Variants in SLC25A12 observed in about 807,000 individuals in gnomAD.
SLC25A12 encodes electrogenic aspartate/glutamate antiporter SLC25A12, mitochondrial.
In SLC25A12, 32 loss-of-function variants were observed where a neutral mutation model predicts 83.3. The observed-to-expected ratio is 0.38, with a 90% confidence interval of 0.29 to 0.52. The LOEUF (loss-of-function observed/expected upper bound fraction) is 0.52, where lower values mean the gene tolerates loss of function less well. SLC25A12 is among the 20% of genes least tolerant of loss of function. The pLI is 0.84. For synonymous variants in SLC25A12, 267 were observed against 291.1 expected (o/e 0.92, Z 0.84); for missense variants, 611 against 835.6 (o/e 0.73, Z 3.31).
chr2:171,787,618 G>C lies in SLC25A12; in HGVS notation c.1788C>G (p.Val596=). Residue 596 remains valine, a synonymous_variant, in exon 17 of 18, where the codon GTC becomes GTG. Transcript: ENST00000422440. ...ACCACCGCTGGAGAAGTTCATAAGT[G>C]ACCAAGGTAACACCAAACTGGGGAG... ...RSSPQFGVTL[V]TYELLQRWFY... 6.2e-7 allele frequency: 1 copy of C among 1,614,134 alleles called. No individual in the cohort carries two copies.
chr2:171,788,099 A>G (rs1690523640), intron 15 of SLC25A12, 152 bp from the exon 16 acceptor site: 1 of 710,332 alleles, frequency 1.4e-6, no homozygotes, highest in Non-Finnish European at 2.4e-6. Context: ...GGAAAAGGGC[A>G]TAGAAGCCTA....
chr2:171,875,925 A>AAG (rs1239270691), intron 2 of SLC25A12, among the ~76,000 whole-genome samples: 3 of 149,284 alleles, frequency 2.0e-5, no homozygotes, highest in Non-Finnish European at 4.4e-5. Context: ...AAAAAAAAAA[A>AAG]AAAAAGAAAC....
intron 15 of SLC25A12, among the ~76,000 whole-genome samples, chr2:171,790,280 G>A (rs1034959402): frequency 6.6e-6 from 1 of 152,216 alleles, no homozygotes; most frequent in Non-Finnish European, 1.5e-5. Context: ...AGCCTGGCTG[G>A]TCAGAGCCAC....
At chr2:171,810,147 G>T in intron 12 of SLC25A12, 77 bp downstream of exon 12, 3 of 1,260,600 alleles carry the variant, frequency 2.4e-6, no homozygotes, top group Non-Finnish European at 3.5e-6. Flanking sequence ...GAGCTACCAC[G>T]CCTAGCCTTG....
chr2:171,789,207 G>A (rs1445827760), intron 15 of SLC25A12, among the ~76,000 whole-genome samples: 1 of 152,138 alleles, frequency 6.6e-6, no homozygotes, highest in Non-Finnish European at 1.5e-5. Context: ...GAGGTCAGGA[G>A]TTTGAGACCT....
At chr2:171,837,019 T>C (rs1684574781) in intron 6 of SLC25A12, 102 bp downstream of exon 6, 4 of 1,098,818 alleles carry the variant, frequency 3.6e-6, no homozygotes, top group Non-Finnish European at 5.4e-6. Flanking sequence ...AGCATGAAAT[T>C]TGAATAGTTG....
chr2:171,847,241 TATC>T (rs1259983925), intron 4 of SLC25A12, among the ~76,000 whole-genome samples: 2 of 152,190 alleles, frequency 1.3e-5, no homozygotes, highest in African/African-American at 4.8e-5. Flanking sequence ...TCTCTTCTGT[TATC>T]ATTGTTTCTA....
At chr2:171,849,565 T>A (rs1684875458) in intron 4 of SLC25A12, among the ~76,000 whole-genome samples, 1 of 149,362 alleles carries the variant, frequency 6.7e-6, no homozygotes, top group Non-Finnish European at 1.5e-5. Flanking sequence ...GATCTTTTTT[T>A]TTTTTTTTTT....
At chr2:171,890,714 C>T (rs1469553939) in intron 2 of SLC25A12, among the ~76,000 whole-genome samples, 1 of 152,120 alleles carries the variant, frequency 6.6e-6, no homozygotes, top group Non-Finnish European at 1.5e-5. Context: ...AACTCCTGGG[C>T]TCAAGTGATC....
chr2:171,837,406 A>G, intron 5 of SLC25A12, 139 bp from the exon 6 acceptor site: 1 of 894,646 alleles, frequency 1.1e-6, no homozygotes. Flanking sequence ...TGAATTTGCA[A>G]CAAAACTTTT....
intron 6 of SLC25A12, among the ~76,000 whole-genome samples, chr2:171,835,316 C>A (rs1027577883): frequency 1.3e-5 from 2 of 152,148 alleles, no homozygotes; most frequent in Admixed American, 1.3e-4. Context: ...AATTTTAAGA[C>A]AATTTTATTA....
intron 2 of SLC25A12, among the ~76,000 whole-genome samples, chr2:171,871,143 AG>A (rs1233819234): frequency 6.6e-6 from 1 of 152,282 alleles, no homozygotes; most frequent in East Asian, 1.9e-4. Context: ...TCGAGACTAC[AG>A]TGAGCCATGA....
chr2:171,825,926 T>C (rs879314977), intron 9 of SLC25A12, among the ~76,000 whole-genome samples: 8 of 152,250 alleles, frequency 5.3e-5, no homozygotes, highest in African/African-American at 7.2e-5. Flanking sequence ...ATTGTATTAA[T>C]TTTATAGGAC....
chr2:171,854,934 T>C (rs1685014101), intron 4 of SLC25A12, among the ~76,000 whole-genome samples: 1 of 152,210 alleles, frequency 6.6e-6, no homozygotes, highest in South Asian at 2.1e-4. Context: ...AAGTTTAATT[T>C]TGCAAGATGA....
chr2:171,843,795 CTTTT>C (rs71013078), intron 5 of SLC25A12, among the ~76,000 whole-genome samples: 1 of 117,288 alleles, frequency 8.5e-6, no homozygotes, highest in East Asian at 2.7e-4. Flanking sequence ...AAAGAACTAG[CTTTT>C]TTTTTTTTTT....
rs1380970215 is a variant in SLC25A12 at position 171,840,531 on chromosome 2, A to C, written c.466-3264T>G. On this transcript the variant is annotated intron_variant, in intron 5 of 17. Transcript: ENST00000422440. ...TCTTCAATATCTTTGAAGAAGTGAA[A>C]GAAAAGAGTGCATCCATGAAACAAG... 3.9e-5 allele frequency among the ~76,000 whole-genome samples: 6 copies of C among 152,276 alleles called. No homozygotes were observed. In the East Asian group the frequency reaches 1.2e-3, roughly 29 times the overall value.
intron 8 of SLC25A12, among the ~76,000 whole-genome samples, chr2:171,831,567 T>C (rs1193363371): frequency 6.6e-6 from 1 of 152,220 alleles, no homozygotes; most frequent in Admixed American, 6.5e-5. Context: ...TCAGAAAATC[T>C]AAGCACGTCA....
rs565113756 is a variant in SLC25A12, at chr2:171,841,411, C to CACCCACGCTGGAGTG, written c.465+2943_465+2957dup. On this transcript the variant is annotated intron_variant, in intron 5 of 17. Transcript: ENST00000422440. ...TTTTTTGAGACAGGGCTCACTCGGT[C>CACCCACGCTGGAGTG]ACCCACGCTGGAGTGCAGTGGTGGG... Among the ~76,000 whole-genome samples the CACCCACGCTGGAGTG allele has an allele frequency of 3.9e-5, 6 of 152,168 alleles. No individual in the cohort carries two copies. The East Asian group carries it at 1.2e-3, about 29-fold the overall frequency.
At chr2:171,830,642 T>A (rs1240614214) in intron 8 of SLC25A12, among the ~76,000 whole-genome samples, 1 of 151,988 alleles carries the variant, frequency 6.6e-6, no homozygotes, top group Non-Finnish European at 1.5e-5. Flanking sequence ...GCCTCCAGAG[T>A]AACTGGGATT....
Sources: gnomAD v4.1 joint callset for allele counts (sites outside exome capture counted in the v4.1 genomes callset) on GRCh38, gnomAD v4.1.1 for gene constraint, MANE v1.5 for transcripts, NCBI Gene and HGNC (gene_info 2026-07-23, HGNC 2026-07-21) for gene names.